SH3BP2: variants seen among roughly 807,000 people sequenced by gnomAD.
SH3BP2 encodes SH3 domain-binding protein 2.
Under a neutral mutation model 56.2 loss-of-function variants are expected in SH3BP2, and 38 were observed. The observed-to-expected ratio is 0.68, with a 90% CI of 0.52 to 0.89. The LOEUF is 0.89. Ranked by LOEUF, SH3BP2 falls within the 40% of genes least tolerant of loss-of-function variation. The probability of loss-of-function intolerance (pLI) is 0.00; values close to 1 mark genes in which losing one functional copy is unlikely to be tolerated. For missense variants in SH3BP2, 748 were observed against 762.6 expected (o/e 0.98, Z 0.23); for synonymous variants, 346 against 316.7 (o/e 1.09, Z -0.98).
chr4:2,802,954 G>A (rs1217080906), intron 1 of SH3BP2, among the ~76,000 whole-genome samples: 1 of 152,204 alleles, frequency 6.6e-6, no homozygotes, highest in Non-Finnish European at 1.5e-5. Context: ...GGCCACGCCT[G>A]GGCCCCAGCG....
At chr4:2,822,113 T>C (rs1724340270) in intron 2 of SH3BP2, among the ~76,000 whole-genome samples, 1 of 152,040 alleles carries the variant, frequency 6.6e-6, no homozygotes, top group Non-Finnish European at 1.5e-5. Context: ...AGTGATCCTG[T>C]CTTGGCCTCC....
chr4:2,795,776 C>T (rs1461822746), intron 1 of SH3BP2, among the ~76,000 whole-genome samples: 3 of 152,134 alleles, frequency 2.0e-5, no homozygotes, highest in Non-Finnish European at 4.4e-5. Context: ...CTTTGCATGC[C>T]AGGTGTGGTG....
intron 7 of SH3BP2, among the ~76,000 whole-genome samples, chr4:2,827,953 G>T (rs1724764647): frequency 6.6e-6 from 1 of 152,186 alleles, no homozygotes; most frequent in Non-Finnish European, 1.5e-5. Context: ...TTAAGCATGG[G>T]GAAGGAAGGA....
At chr4:2,817,622 C>T (rs532608265) in intron 1 of SH3BP2, among the ~76,000 whole-genome samples, 7 of 152,286 alleles carry the variant, frequency 4.6e-5, no homozygotes, top group South Asian at 2.1e-4. Flanking sequence ...GGGCCTCTGC[C>T]GGCCTTTGGC....
Position 2,831,401 on chromosome 4 carries a change from G to A in SH3BP2, c.1242-170G>A, listed in dbSNP as rs2269484. Reference sequence around the variant, plus strand: ...CGATTCCTGCTGTCCCAGGGCAGTCGGCACGAGCCCTACCCGGATCTCTGT... The same window carrying A: ...CGATTCCTGCTGTCCCAGGGCAGTCAGCACGAGCCCTACCCGGATCTCTGT... On this transcript the variant is annotated intron_variant, in intron 8 of 12. Transcript: ENST00000503393. The surrounding 1 kb of genome is among the most constrained non-coding windows in gnomAD (Gnocchi z 4.1). Among the ~76,000 whole-genome samples, 117,516 of 152,136 alleles carry A rather than the reference G, an allele frequency of 0.77. 46,169 individuals carry two copies. The highest frequency in any genetic ancestry group is 0.9 in the African/African-American group (37,175 of 41,524).
At chr4:2,797,622 C>G (rs1723106375) in intron 1 of SH3BP2, among the ~76,000 whole-genome samples, 1 of 152,208 alleles carries the variant, frequency 6.6e-6, no homozygotes, top group Admixed American at 6.5e-5. Context: ...ACCCCCAACT[C>G]CACCCTGAGC....
chr4:2,806,748 C>T (rs922319762), intron 1 of SH3BP2, among the ~76,000 whole-genome samples: 5 of 152,230 alleles, frequency 3.3e-5, no homozygotes, highest in Non-Finnish European at 7.3e-5. Flanking sequence ...GGTGTGGAGG[C>T]CCCCGGGCAG....
intron 7 of SH3BP2, among the ~76,000 whole-genome samples, chr4:2,828,770 C>A (rs1424151267): frequency 6.6e-6 from 1 of 152,202 alleles, no homozygotes; most frequent in Non-Finnish European, 1.5e-5. Context: ...GTCCAGGACG[C>A]CTGTGGCCTC....
chr4:2,808,498 C>T (rs1723623807), intron 1 of SH3BP2, among the ~76,000 whole-genome samples: 1 of 152,162 alleles, frequency 6.6e-6, no homozygotes, highest in African/African-American at 2.4e-5. Context: ...TGGCCCCAGG[C>T]AGGGTCCTTC....
At position 2,829,791 on chromosome 4, in the gene SH3BP2, T is replaced by C; in HGVS notation, c.885T>C (p.Pro295=). The part of the protein sequence containing the change: ...MPTAPGLRKP[P]CFRESASPSP... The stretch of plus-strand genomic sequence containing the variant: ...CCGCACCCGGCCTCCGGAAACCCCC[T>C]TGCTTCCGGGAGAGTGCCAGCCCCA... The change falls in exon 8 of 13, where the codon CCT becomes CCC. Residue 295 remains proline, a synonymous_variant. Coordinates refer to ENST00000503393, the MANE Select transcript of SH3BP2 (RefSeq NM_001122681.2). This position sits in a 1 kb window ranked among gnomAD's most constrained non-coding sequence, Gnocchi z 4.9. The C allele has an allele frequency of 6.2e-7, 1 of 1,612,966 alleles. No individual in the cohort carries two copies. Among genetic ancestry groups the C allele is most frequent in the South Asian group, 1.1e-5 (1 of 91,058 alleles).
chr4:2,822,718 CTG>C (rs1393274584), intron 2 of SH3BP2, among the ~76,000 whole-genome samples: 2 of 152,258 alleles, frequency 1.3e-5, no homozygotes, highest in Non-Finnish European at 2.9e-5. Flanking sequence ...GGGTGGCACT[CTG>C]GGGCTAGCCA....
In SH3BP2 at chr4:2,825,108, A is replaced by T; in HGVS notation, c.358-18A>T. On this transcript the variant is annotated intron_variant, in intron 4 of 12. Transcript: ENST00000503393. ...ACCCTGGTGGCACCGTGCCCACCACAGCCCCGCTGACCTGCAGAGCTGGAT... is the reference window on the plus strand; with the variant it reads ...ACCCTGGTGGCACCGTGCCCACCACTGCCCCGCTGACCTGCAGAGCTGGAT... 4.5e-6 allele frequency: 7 copies of T among 1,560,510 alleles called. No individual in the cohort carries two copies. The highest frequency in any genetic ancestry group is 6.1e-6 in the Non-Finnish European group (7 of 1,151,904).
intron 1 of SH3BP2, among the ~76,000 whole-genome samples, chr4:2,816,702 G>C (rs1724016759): frequency 6.6e-6 from 1 of 152,112 alleles, no homozygotes; most frequent in African/African-American, 2.4e-5. Flanking sequence ...AAAATCATGT[G>C]GTTGTCCTTT....
intron 1 of SH3BP2, among the ~76,000 whole-genome samples, chr4:2,816,635 A>G (rs145453789): frequency 6.6e-6 from 1 of 152,132 alleles, no homozygotes; most frequent in African/African-American, 2.4e-5. Flanking sequence ...TGGTTTGTTG[A>G]CTCTTCTTAT....
At chr4:2,821,191 G>A (rs1724286133) in intron 2 of SH3BP2, among the ~76,000 whole-genome samples, 1 of 152,240 alleles carries the variant, frequency 6.6e-6, no homozygotes, top group Non-Finnish European at 1.5e-5. Context: ...TGGCTGGGAG[G>A]AAGAAGCAGC....
chr4:2,827,245 CACAG>C lies in SH3BP2; in HGVS notation c.449_452del (p.Asp150AlafsTer48). 6.2e-7 allele frequency: 1 copy of C among 1,614,190 alleles called. No individual in the cohort carries two copies. The highest frequency in any genetic ancestry group is 8.5e-7 in the Non-Finnish European group (1 of 1,180,034). On this transcript the variant is annotated frameshift_variant, in exon 6 of 13. Coordinates refer to ENST00000503393, the MANE Select transcript of SH3BP2 (RefSeq NM_001122681.2). LOFTEE classifies it high-confidence loss of function. ...TGCATTGCAGCGACTCCAGCTCGGACACAGACAGCTTCTACGGCGCAGTTGAGCG... is the reference window on the plus strand; with the variant it reads ...TGCATTGCAGCGACTCCAGCTCGGACACAGCTTCTACGGCGCAGTTGAGCG...
chr4:2,818,741 C>T (rs1010326568), intron 1 of SH3BP2: 8 of 989,442 alleles, frequency 8.1e-6, no homozygotes, highest in African/African-American at 5.2e-5. Flanking sequence ...GGGGGTCCTG[C>T]GGCTGGGACC....
rs1160658193 is a variant in SH3BP2, at chr4:2,827,087, G to A, written c.429-143G>A. 4 of 719,394 alleles carry A rather than the reference G, an allele frequency of 5.6e-6. No individual in the cohort carries two copies. The Admixed American group carries it at 8.0e-5, about 14-fold the overall frequency. 44.6% of individuals were successfully genotyped at this position (719,394 alleles called of 1,614,324 possible). A position where few individuals can be genotyped will look rare whatever the true frequency, so the allele number is the denominator to read the frequency against. On this transcript the variant is annotated intron_variant, in intron 5 of 12. Transcript: ENST00000503393. The stretch of plus-strand genomic sequence containing the variant: ...TGTGTCTGTCAGCTTAACCATGTGT[G>A]CATGTGTTTGTCAGTGTATCCGTGT...
At chr4:2,822,850 C>T in intron 2 of SH3BP2, 85 bp from the exon 3 acceptor site, 2 of 1,009,114 alleles carry the variant, frequency 2.0e-6, no homozygotes, top group South Asian at 2.7e-5. Context: ...GGCCTGGCCC[C>T]AAGTTGTCCT....
Sources: gnomAD v4.1 joint callset for allele counts (sites outside exome capture counted in the v4.1 genomes callset) on GRCh38, gnomAD v4.1.1 for gene constraint, Gnocchi (gnomAD v3.1) non-coding constraint, MANE v1.5 for transcripts, NCBI Gene and HGNC (gene_info 2026-07-23, HGNC 2026-07-21) for gene names.